The following KIF13A variants were observed in gnomAD, a reference collection of about 807,000 sequenced individuals.
KIF13A encodes kinesin-like protein KIF13A.
KIF13A carries 79 observed loss-of-function variants against 212.2 expected under a neutral mutation model. The observed-to-expected ratio is 0.37, with a 90% CI of 0.31 to 0.45. KIF13A has a LOEUF of 0.45. Ranked by LOEUF, KIF13A falls within the 20% of genes least tolerant of loss-of-function variation. The pLI, the probability that KIF13A is intolerant of heterozygous loss-of-function variation, is 1.00. For synonymous variants in KIF13A, 789 were observed against 808.6 expected (o/e 0.98, Z 0.41); for missense variants, 1,901 against 2,209.0 (o/e 0.86, Z 2.79).
chr6:17,934,704 C>T lies in KIF13A; in HGVS notation c.147-36524G>A, dbSNP rs12212985. Among the ~76,000 whole-genome samples the T allele has an allele frequency of 0.17, 25,637 of 151,410 alleles. 2,400 individuals are homozygous for T. Among genetic ancestry groups the T allele is most frequent in the Middle Eastern group, 0.26 (75 of 292 alleles). ...TTGGGAGGCCGAGGTGGGAGGATCG[C>T]TTGAGCCCAGGAGGTAGAGGCTGTG... is the stretch of plus-strand genomic sequence containing the variant. On this transcript the variant is annotated intron_variant, in intron 2 of 38. Transcript: ENST00000259711. The surrounding 1 kb of genome is among the most constrained non-coding windows in gnomAD (Gnocchi z 5.4).
Position 17,773,377 on chromosome 6 carries a change from C to G in KIF13A, c.4324+101G>C. 1 of 600,484 alleles carries G rather than the reference C, an allele frequency of 1.7e-6. No homozygotes were observed. Among genetic ancestry groups the G allele is most frequent in the Non-Finnish European group, 3.0e-6 (1 of 338,854 alleles). 37.2% of individuals were successfully genotyped at this position (600,484 alleles called of 1,614,324 possible). A position where few individuals can be genotyped will look rare whatever the true frequency, so the allele number is the denominator to read the frequency against. The stretch of plus-strand genomic sequence containing the variant: ...TGTATCATCTAGTTAACTAGAATAT[C>G]AGCTTCATATCTTATTATATGCCAT... On this transcript the variant is annotated intron_variant, in intron 36 of 38. Transcript: ENST00000259711. This position sits in a 1 kb window ranked among gnomAD's most constrained non-coding sequence, Gnocchi z 4.2.
chr6:17,985,604 A>T (rs957238204), intron 2 of KIF13A, among the ~76,000 whole-genome samples: 27 of 110,214 alleles, frequency 2.4e-4, no homozygotes, highest in African/African-American at 9.5e-4. Flanking sequence ...ACCCAACAGA[A>T]TTTTTTCCCG....
chr6:17,858,079 TTA>T (rs1554185567), intron 4 of KIF13A, among the ~76,000 whole-genome samples: 63 of 112,420 alleles, frequency 5.6e-4, no homozygotes, highest in African/African-American at 1.8e-3. Context: ...TGTCAAATAG[TTA>T]TGTGTGTGTG....
At chr6:17,793,931 C>A (rs536827033) in intron 25 of KIF13A, among the ~76,000 whole-genome samples, 48 of 151,638 alleles carry the variant, frequency 3.2e-4, no homozygotes, top group African/African-American at 2.7e-4. Flanking sequence ...AAAACACACA[C>A]AAAAAAACCC....
chr6:17,942,956 C>A (rs1777077431), intron 2 of KIF13A, among the ~76,000 whole-genome samples: 1 of 151,752 alleles, frequency 6.6e-6, no homozygotes, highest in Non-Finnish European at 1.5e-5. Context: ...TCCAGGCTGG[C>A]CGACAGAGTG....
intron 3 of KIF13A, among the ~76,000 whole-genome samples, chr6:17,885,721 ATAT>A (rs1430674607): frequency 6.6e-6 from 1 of 152,240 alleles, no homozygotes; most frequent in Admixed American, 6.5e-5. Context: ...ACCCAGACCA[ATAT>A]TATAACAGCA....
At chr6:17,956,697 G>A (rs756622880) in intron 2 of KIF13A, among the ~76,000 whole-genome samples, 10 of 151,934 alleles carry the variant, frequency 6.6e-5, no homozygotes, top group African/African-American at 2.4e-4. Context: ...ATTCTCTCTC[G>A]CCGACCTTCT....
At chr6:17,882,566 ATTT>A (rs71536759) in intron 3 of KIF13A, among the ~76,000 whole-genome samples, 26 of 144,340 alleles carry the variant, frequency 1.8e-4, no homozygotes, top group Middle Eastern at 3.6e-3. Context: ...TCCTTTATAA[ATTT>A]TTTTTTTTTT....
At chr6:17,882,965 A>G (rs1353153748) in intron 3 of KIF13A, among the ~76,000 whole-genome samples, 2 of 152,202 alleles carry the variant, frequency 1.3e-5, no homozygotes, top group African/African-American at 4.8e-5. Context: ...ATCTATTTAT[A>G]TACAATTCCC....
rs534918642 is a variant in KIF13A at position 17,841,179 on chromosome 6, C to T, written c.831-3596G>A. Among the ~76,000 whole-genome samples the T allele has an allele frequency of 2.0e-5, 3 of 151,630 alleles. No homozygotes were observed. The East Asian group carries it at 5.8e-4, about 29-fold the overall frequency. ...CCTCAACCTCCCAGGCTCAAGCGAT[C>T]CTCTTATCTCATTCTCCTGAGTAGC... On this transcript the variant is annotated intron_variant, in intron 9 of 38. Coordinates refer to ENST00000259711, the MANE Select transcript of KIF13A (RefSeq NM_022113.6).
intron 9 of KIF13A, among the ~76,000 whole-genome samples, chr6:17,848,644 C>T (rs1258483006): frequency 1.4e-5 from 2 of 142,390 alleles, no homozygotes; most frequent in Non-Finnish European, 3.0e-5. Flanking sequence ...CGGCTCACTG[C>T]AAGCTTTACC....
chr6:17,898,654 T>C lies in KIF13A; in HGVS notation c.147-474A>G, dbSNP rs181404861. Among the ~76,000 whole-genome samples the C allele has an allele frequency of 9.3e-4, 141 of 152,270 alleles. 2 individuals carry two copies. Among genetic ancestry groups the C allele is most frequent in the African/African-American group, 3.2e-3 (134 of 41,552 alleles). ...TAATATATGTGGGAGTTTTTCTCAT[T>C]TAAAAACCATGGTTTTAAATAACTC... On this transcript the variant is annotated intron_variant, in intron 2 of 38. Coordinates refer to ENST00000259711, the MANE Select transcript of KIF13A (RefSeq NM_022113.6). This position sits in a 1 kb window ranked among gnomAD's most constrained non-coding sequence, Gnocchi z 5.2.
At chr6:17,941,114 T>G (rs1776927957) in intron 2 of KIF13A, among the ~76,000 whole-genome samples, 1 of 152,190 alleles carries the variant, frequency 6.6e-6, no homozygotes, top group Non-Finnish European at 1.5e-5. Flanking sequence ...CGTGAGCCAT[T>G]GCACCTGGCC....
intron 2 of KIF13A, among the ~76,000 whole-genome samples, chr6:17,916,053 T>C (rs1774488878): frequency 2.0e-5 from 3 of 152,194 alleles, no homozygotes; most frequent in Non-Finnish European, 4.4e-5. Context: ...GGATGGCGTT[T>C]CTCATCCTGA....
At chr6:17,832,379 A>T (rs2150373629) in intron 12 of KIF13A, among the ~76,000 whole-genome samples, 1 of 152,266 alleles carries the variant, frequency 6.6e-6, no homozygotes, top group African/African-American at 2.4e-5. Context: ...ATTCTCTGTC[A>T]ATTAGGTAGC....
chr6:17,836,471 C>T (rs1765961159), intron 11 of KIF13A, among the ~76,000 whole-genome samples: 1 of 152,180 alleles, frequency 6.6e-6, no homozygotes, highest in African/African-American at 2.4e-5. Flanking sequence ...TATGGTATTA[C>T]TCATGTTGGT....
rs753285947 is a variant in KIF13A at position 17,800,003 on chromosome 6, G to A, written c.2565C>T (p.Val855=). 1.4e-5 allele frequency: 23 copies of A among 1,613,832 alleles called. No homozygotes were observed. Among genetic ancestry groups the A allele is most frequent in the South Asian group, 2.2e-5 (2 of 91,078 alleles). Residue 855 remains valine, a synonymous_variant, in exon 21 of 39, where the codon GTC becomes GTT. Coordinates refer to ENST00000259711, the MANE Select transcript of KIF13A (RefSeq NM_022113.6). The part of the protein sequence containing the change: ...ENSSESGSLE[V]VDSSGEIIHR... The stretch of plus-strand genomic sequence containing the variant: ...GAATGATTTCCCCGCTGCTGTCTAC[G>A]ACTTCAAGGCTCCCACTTTCACTGG...
rs568428093 is a variant in KIF13A at position 17,872,433 on chromosome 6, C to T, written c.220+944G>A. 9.9e-5 allele frequency among the ~76,000 whole-genome samples: 15 copies of T among 152,188 alleles called. No homozygotes were observed. In the South Asian group the frequency reaches 2.7e-3, roughly 27 times the overall value. Reference sequence around the variant, plus strand: ...AGTTCACGAGCTCTATTGTACAACACGGTGACTATAGTTAATAACAACGTA... The same window carrying T: ...AGTTCACGAGCTCTATTGTACAACATGGTGACTATAGTTAATAACAACGTA... On this transcript the variant is annotated intron_variant, in intron 4 of 38. Transcript: ENST00000259711. The surrounding 1 kb of genome is among the most constrained non-coding windows in gnomAD (Gnocchi z 4.7).
At position 17,811,544 on chromosome 6, in the gene KIF13A, C is replaced by T. The variant is rs539359579; in HGVS notation, c.2001-2614G>A. ...ATTCTAAGTGTACAAAGAGAATAAA[C>T]GACATCTGTGGCTTTCTTTGTAATT... is the stretch of plus-strand genomic sequence containing the variant. On this transcript the variant is annotated intron_variant, in intron 17 of 38. Transcript: ENST00000259711. This position sits in a 1 kb window ranked among gnomAD's most constrained non-coding sequence, Gnocchi z 6.0. Among the ~76,000 whole-genome samples the T allele has an allele frequency of 7.0e-4, 106 of 152,272 alleles. 1 individual carries two copies. In the South Asian group the frequency reaches 0.014, roughly 20 times the overall value.
Sources: allele counts gnomAD v4.1 joint callset (sites outside exome capture counted in the v4.1 genomes callset), GRCh38; gene constraint gnomAD v4.1.1; non-coding constraint Gnocchi (gnomAD v3.1); transcripts MANE v1.5; gene names NCBI Gene and HGNC (gene_info 2026-07-23, HGNC 2026-07-21).